SCD5: variants seen among roughly 807,000 people sequenced by gnomAD.
SCD5 encodes the protein stearoyl-CoA desaturase 5, also known as acyl-CoA-desaturase 4.
Under a neutral mutation model 30.4 loss-of-function variants are expected in SCD5, and 20 were observed. The observed-to-expected ratio is 0.66, with a 90% CI of 0.46 to 0.96. The LOEUF is 0.96. SCD5 is among the 40% of genes least tolerant of loss of function. The pLI, the probability that SCD5 is intolerant of heterozygous loss-of-function variation, is 0.00. For missense variants in SCD5, 381 were observed against 443.3 expected, an observed-to-expected ratio of 0.86 and a Z score of 1.26; for synonymous variants, 173 against 176.4, an observed-to-expected ratio of 0.98 and a Z score of 0.16.
intron 1 of SCD5, among the ~76,000 whole-genome samples, chr4:82,754,253 A>G (rs756632729): frequency 6.6e-6 from 1 of 152,200 alleles, no homozygotes; most frequent in Non-Finnish European, 1.5e-5. Context: ...AAGTGAGAGA[A>G]TGCAGGAAGA....
chr4:82,682,561 ATTCAATACTGGG>A (rs1728600698), intron 2 of SCD5, among the ~76,000 whole-genome samples: 1 of 152,212 alleles, frequency 6.6e-6, no homozygotes, highest in African/African-American at 2.4e-5. Flanking sequence ...ATACCATAAT[ATTCAATACTGGG>A]TAATGTTCTC....
At chr4:82,779,145 G>A (rs1003498445) in intron 1 of SCD5, among the ~76,000 whole-genome samples, 1 of 151,634 alleles carries the variant, frequency 6.6e-6, no homozygotes, top group Admixed American at 6.6e-5. Flanking sequence ...GATTACAGGC[G>A]TGAGTCACTG....
In SCD5 at chr4:82,747,069, G is replaced by GCCCCCGCCCC. The variant is rs1553918956; in HGVS notation, c.233-41657_233-41656insGGGGCGGGGG. 1.4e-5 allele frequency among the ~76,000 whole-genome samples: 2 copies of GCCCCCGCCCC among 139,698 alleles called. 1 individual carries two copies. Among genetic ancestry groups the GCCCCCGCCCC allele is most frequent in the Non-Finnish European group, 3.2e-5 (2 of 61,878 alleles). 91.6% of individuals were successfully genotyped at this position (139,698 alleles called of 152,430 possible). A position where few individuals can be genotyped will look rare whatever the true frequency, so the allele number is the denominator to read the frequency against. ...AGTTAGAGAAAAGTCTGGGCAACCT[G>GCCCCCGCCCC]CCCCCCAAGAAAGACGACCTTCCCA... On this transcript the variant is annotated intron_variant, in intron 1 of 4. Transcript: ENST00000319540.
intron 1 of SCD5, among the ~76,000 whole-genome samples, chr4:82,747,620 G>T (rs1298926456): frequency 6.6e-6 from 1 of 152,240 alleles, no homozygotes; most frequent in Non-Finnish European, 1.5e-5. Flanking sequence ...CTGGCACACA[G>T]TAAGTGATCA....
chr4:82,699,190 G>T (rs906177300), intron 2 of SCD5, among the ~76,000 whole-genome samples: 7 of 152,090 alleles, frequency 4.6e-5, no homozygotes, highest in Admixed American at 3.3e-4. Context: ...CTGGTCCCTA[G>T]TGCCATAAAG....
intron 1 of SCD5, among the ~76,000 whole-genome samples, chr4:82,777,569 G>A (rs35773454): frequency 0.26 from 38,851 of 152,108 alleles, 5,641 homozygotes; most frequent in African/African-American, 0.4. Flanking sequence ...CCATCCTTAG[G>A]AGGGCCTCAT....
At chr4:82,780,090 C>T (rs941383701) in intron 1 of SCD5, among the ~76,000 whole-genome samples, 4 of 152,220 alleles carry the variant, frequency 2.6e-5, no homozygotes, top group Admixed American at 2.0e-4. Context: ...TAGGCCCATG[C>T]CTGATGCACA....
At chr4:82,666,229 A>G (rs1305889579) in intron 3 of SCD5, among the ~76,000 whole-genome samples, 1 of 152,242 alleles carries the variant, frequency 6.6e-6, no homozygotes. Flanking sequence ...TGCATAAACC[A>G]ATAATAATAG....
At chr4:82,663,909 C>A (rs28647824) in intron 3 of SCD5, among the ~76,000 whole-genome samples, 51,125 of 152,032 alleles carry the variant, frequency 0.34, 9,352 homozygotes, top group African/African-American at 0.48. Context: ...CACTGCTCAA[C>A]AGCAGAGGTT....
At chr4:82,670,999 C>G (rs1578014374) in intron 3 of SCD5, among the ~76,000 whole-genome samples, 2 of 152,056 alleles carry the variant, frequency 1.3e-5, no homozygotes, top group East Asian at 3.9e-4. Context: ...GAAACTGACC[C>G]ACTTTAAATA....
chr4:82,704,472 G>C (rs1719927132), intron 2 of SCD5, among the ~76,000 whole-genome samples: 1 of 152,170 alleles, frequency 6.6e-6, no homozygotes, highest in African/African-American at 2.4e-5. Flanking sequence ...AAGTACCCAA[G>C]GAAAGTACCC....
At chr4:82,720,454 A>AAAAAAAAAAAAAAAAAAAAAC (rs1720347407) in intron 1 of SCD5, among the ~76,000 whole-genome samples, 1 of 150,974 alleles carries the variant, frequency 6.6e-6, no homozygotes, top group Non-Finnish European at 1.5e-5. Context: ...AAAAAAAAAA[A>AAAAAAAAAAAAAAAAAAAAAC]AAAAAAAAAG....
At chr4:82,724,769 G>C (rs899141439) in intron 1 of SCD5, among the ~76,000 whole-genome samples, 1 of 152,206 alleles carries the variant, frequency 6.6e-6, no homozygotes, top group African/African-American at 2.4e-5. Flanking sequence ...ACAGGTGATA[G>C]ATACCCTGAA....
intron 2 of SCD5, 35 bp downstream of exon 2, chr4:82,705,248 G>C (rs751163735): frequency 6.2e-7 from 1 of 1,610,950 alleles, no homozygotes; most frequent in Non-Finnish European, 8.5e-7. Flanking sequence ...ATCTGCACTG[G>C]GTCTCCCAAC....
At chr4:82,756,870 CTG>C (rs1721245815) in intron 1 of SCD5, among the ~76,000 whole-genome samples, 1 of 152,098 alleles carries the variant, frequency 6.6e-6, no homozygotes, top group South Asian at 2.1e-4. Context: ...TGAAACCAAA[CTG>C]TTGTTGTTGT....
rs1720620815 is a variant in SCD5, at chr4:82,730,662, T to G, written c.233-25249A>C. On this transcript the variant is annotated intron_variant, in intron 1 of 4. Coordinates refer to ENST00000319540, the MANE Select transcript of SCD5 (RefSeq NM_001037582.3). Reference sequence around the variant, plus strand: ...GTGCAGTGGCGGGATCTTGGCTCACTGCATGCTCTGCCTCCCGGGTTCACA... The same window carrying G: ...GTGCAGTGGCGGGATCTTGGCTCACGGCATGCTCTGCCTCCCGGGTTCACA... Among the ~76,000 whole-genome samples the G allele has an allele frequency of 2.0e-5, 3 of 147,120 alleles. No individual in the cohort carries two copies. In the South Asian group the frequency reaches 6.5e-4, roughly 32 times the overall value.
intron 1 of SCD5, among the ~76,000 whole-genome samples, chr4:82,789,572 C>T (rs1183181306): frequency 6.6e-6 from 1 of 152,178 alleles, no homozygotes; most frequent in Admixed American, 6.5e-5. Context: ...GCCCTTAAGG[C>T]TCAGGCAACT....
At chr4:82,635,891 C>T (rs1560520235) in intron 4 of SCD5, among the ~76,000 whole-genome samples, 2 of 152,152 alleles carry the variant, frequency 1.3e-5, no homozygotes, top group Non-Finnish European at 2.9e-5. Context: ...AGTCTCATTC[C>T]TTCCCATGTC....
intron 1 of SCD5, among the ~76,000 whole-genome samples, chr4:82,752,534 A>G (rs1176307557): frequency 6.6e-6 from 1 of 152,158 alleles, no homozygotes; most frequent in Admixed American, 6.6e-5. Flanking sequence ...GCTGCTTAGC[A>G]CCAGAAAGAG....
Sources: allele counts gnomAD v4.1 joint callset (sites outside exome capture counted in the v4.1 genomes callset), GRCh38; gene constraint gnomAD v4.1.1; transcripts MANE v1.5; gene names NCBI Gene and HGNC (gene_info 2026-07-23, HGNC 2026-07-21).